The following PPP2R3B variants were observed in gnomAD, a reference collection of about 807,000 sequenced individuals.
The protein encoded by PPP2R3B is protein phosphatase 2 regulatory subunit B''beta.
PPP2R3B carries 68 observed loss-of-function variants against 72.9 expected under a neutral mutation model. The ratio of observed to expected loss-of-function variants is 0.93; its 90% CI spans 0.77 to 1.14. The LOEUF (loss-of-function observed/expected upper bound fraction) is 1.14, where lower values mean the gene tolerates loss of function less well. Ranked by LOEUF, PPP2R3B falls within the 50% of genes most tolerant of loss-of-function variation. The pLI, the probability that PPP2R3B is intolerant of heterozygous loss-of-function variation, is 0.00. For missense variants in PPP2R3B, 1,018 were observed against 842.0 expected (o/e 1.21, Z -2.59); for synonymous variants, 466 against 375.8 (o/e 1.24, Z -2.78).
chrX:336,831 C>T (rs886959747), intron 12 of PPP2R3B: 1 of 152,084 alleles, frequency 6.6e-6, no homozygotes, highest in Non-Finnish European at 1.5e-5. Flanking sequence ...ACACGGAAAG[C>T]TACAAAAATC....
chrX:348,149 A>C (rs2071262088), intron 2 of PPP2R3B, among the ~76,000 whole-genome samples: 1 of 152,162 alleles, frequency 6.6e-6, no homozygotes, highest in Non-Finnish European at 1.5e-5. Flanking sequence ...TGAGGAAGGA[A>C]AGTTTAAAAT....
chrX:344,866 C>G (rs1401485462), intron 7 of PPP2R3B: 1 of 317,000 alleles, frequency 3.2e-6, no homozygotes, highest in African/African-American at 2.2e-5. Context: ...TATTATGAGT[C>G]GACCACACAC....
At chrX:384,946 T>C (rs1032806746) in intron 1 of PPP2R3B, among the ~76,000 whole-genome samples, 1 of 144,444 alleles carries the variant, frequency 6.9e-6, no homozygotes, top group Non-Finnish European at 1.5e-5. Flanking sequence ...GATTGCACCA[T>C]TGCATCTCAG....
chrX:386,529 G>T lies in PPP2R3B; in HGVS notation c.163C>A (p.Pro55Thr). 1.4e-6 allele frequency: 2 copies of T among 1,426,938 alleles called. No individual in the cohort carries two copies. The highest frequency in any genetic ancestry group is 1.4e-5 in the South Asian group (1 of 72,992). 88.4% of individuals were successfully genotyped at this position (1,426,938 alleles called of 1,614,324 possible). A position where few individuals can be genotyped will look rare whatever the true frequency, so the allele number is the denominator to read the frequency against. ...AGCGGGGCTGTGGGCCAGGCCCCGGGCTGCTCCCCGTCCCCCGGGGTCGGC... is the reference window on the plus strand; with the variant it reads ...AGCGGGGCTGTGGGCCAGGCCCCGGTCTGCTCCCCGTCCCCCGGGGTCGGC... ...DQPTPGDGEQ[P>T]GAWPTAPLAA... Residue 55 changes from proline (P) to threonine (T), a missense_variant, in exon 1 of 13, where the codon CCC (proline) becomes ACC (threonine). Pro to Thr is a conservative substitution (Grantham distance 38, BLOSUM62 -1). Coordinates refer to ENST00000390665, the MANE Select transcript of PPP2R3B (RefSeq NM_013239.5).
At chrX:341,214 C>T in intron 9 of PPP2R3B, 93 bp downstream of exon 9, 2 of 1,410,186 alleles carry the variant, frequency 1.4e-6, no homozygotes, top group South Asian at 1.2e-5. Context: ...GCAGCCCCCA[C>T]CAGGCGTGCA....
At chrX:370,294 A>G (rs951821000) in intron 1 of PPP2R3B, among the ~76,000 whole-genome samples, 1 of 152,194 alleles carries the variant, frequency 6.6e-6, no homozygotes, top group East Asian at 1.9e-4. Context: ...CACGTGGGCT[A>G]ACATTCACTC....
At chrX:361,636 A>C in intron 1 of PPP2R3B, 46 bp from the exon 2 acceptor site, 1 of 1,602,140 alleles carries the variant, frequency 6.2e-7, no homozygotes, top group Non-Finnish European at 8.5e-7. Flanking sequence ...GGGAGCATCG[A>C]ACGCCTTCTT....
At chrX:376,770 C>T (rs1301007425) in intron 1 of PPP2R3B, among the ~76,000 whole-genome samples, 2 of 112,008 alleles carry the variant, frequency 1.8e-5, no homozygotes, top group Non-Finnish European at 1.9e-5. Context: ...TGTACAGGGA[C>T]GGGCCGTCCA....
intron 2 of PPP2R3B, among the ~76,000 whole-genome samples, chrX:361,187 A>G (rs1392502589): frequency 6.6e-6 from 1 of 152,276 alleles, no homozygotes; most frequent in East Asian, 1.9e-4. Context: ...CAGATGCTTA[A>G]GAATTCACAC....
At chrX:352,575 G>A (rs2071353702) in intron 2 of PPP2R3B, among the ~76,000 whole-genome samples, 1 of 84,776 alleles carries the variant, frequency 1.2e-5, no homozygotes, top group Non-Finnish European at 2.4e-5. Flanking sequence ...CCTGTGTACT[G>A]CTGAACCCTA....
At chrX:337,998 A>G (rs1014822527) in intron 12 of PPP2R3B, 1 of 157,052 alleles carries the variant, frequency 6.4e-6, no homozygotes, top group East Asian at 1.9e-4. Flanking sequence ...TAGATATGAC[A>G]CCAGAAACAC....
chrX:338,339 T>C, intron 12 of PPP2R3B: 1 of 586,184 alleles, frequency 1.7e-6, no homozygotes, highest in Non-Finnish European at 3.1e-6. Flanking sequence ...CTGGGCCTGA[T>C]GTGCGAAGCC....
Position 353,824 on chromosome X carries a change from C to G in PPP2R3B, c.511-6131G>C, listed in dbSNP as rs1036148404. On this transcript the variant is annotated intron_variant, in intron 2 of 12. Coordinates refer to ENST00000390665, the MANE Select transcript of PPP2R3B (RefSeq NM_013239.5). Reference sequence around the variant, plus strand: ...CTGGGGCTCACCCAAGGAGCAGGGGCTCGCCCAAAGACCGGGGCTCGCCCA... The same window carrying G: ...CTGGGGCTCACCCAAGGAGCAGGGGGTCGCCCAAAGACCGGGGCTCGCCCA... 7.5e-4 allele frequency among the ~76,000 whole-genome samples: 111 copies of G among 148,426 alleles called. 1 individual carries two copies. The highest frequency in any genetic ancestry group is 2.7e-3 in the African/African-American group (107 of 39,904).
In PPP2R3B at chrX:334,334, AGCGGCCCCGCGGCGGCGTTCTCGCGG is replaced by A; in HGVS notation, c.*7_*32del. The A allele has an allele frequency of 6.9e-7, 1 of 1,451,194 alleles. No homozygotes were observed. The highest frequency in any genetic ancestry group is 9.0e-7 in the Non-Finnish European group (1 of 1,107,408). 89.9% of individuals were successfully genotyped at this position (1,451,194 alleles called of 1,614,324 possible). ...GGTGGCCCGGTGGTGGCACGTGGGGAGCGGCCCCGCGGCGGCGTTCTCGCGGGCGGCGTCACAGCGGCTCCAGGTCC... is the reference window on the plus strand; with the variant it reads ...GGTGGCCCGGTGGTGGCACGTGGGGAGCGGCGTCACAGCGGCTCCAGGTCC... On this transcript the variant is annotated 3_prime_UTR_variant, in exon 13 of 13. Transcript: ENST00000390665.
chrX:345,183 G>A, intron 7 of PPP2R3B: 1 of 572,588 alleles, frequency 1.7e-6, no homozygotes, highest in South Asian at 1.5e-5. Flanking sequence ...GGGAAGGCGT[G>A]TGGCCTGCCC....
At chrX:377,509 G>A (rs1254244365) in intron 1 of PPP2R3B, among the ~76,000 whole-genome samples, 5 of 62,736 alleles carry the variant, frequency 8.0e-5, no homozygotes, top group African/African-American at 3.4e-4. Flanking sequence ...GGCCGCCATG[G>A]GGCTGTCTAT....
chrX:344,405 C>T (rs1449632596), intron 7 of PPP2R3B, among the ~76,000 whole-genome samples: 6 of 152,232 alleles, frequency 3.9e-5, no homozygotes, highest in Admixed American at 6.5e-5. Context: ...GCAGCCTGGG[C>T]GGCCATCCCT....
In PPP2R3B at chrX:386,545, C is replaced by A; in HGVS notation, c.147G>T (p.Pro49=). ...AGGCCCCGGGCTGCTCCCCGTCCCC[C>A]GGGGTCGGCTGGTCCCGCCCGGGCG... ...IKAPGRDQPT[P]GDGEQPGAWP... is the part of the protein sequence containing the mutation. Residue 49 remains proline, a synonymous_variant, in exon 1 of 13, where the codon CCG becomes CCT. Coordinates refer to ENST00000390665, the MANE Select transcript of PPP2R3B (RefSeq NM_013239.5). 3 of 1,431,848 alleles carry A rather than the reference C, an allele frequency of 2.1e-6. No homozygotes were observed. Among genetic ancestry groups the A allele is most frequent in the South Asian group, 1.4e-5 (1 of 73,924 alleles). The allele number at this position is 1,431,848 out of a possible 1,614,324, so 88.7% of individuals were successfully genotyped here. A position where few individuals can be genotyped will look rare whatever the true frequency, so the allele number is the denominator to read the frequency against.
intron 2 of PPP2R3B, among the ~76,000 whole-genome samples, chrX:358,372 C>G (rs914758390): frequency 2.5e-5 from 3 of 122,378 alleles, no homozygotes; most frequent in African/African-American, 8.3e-5. Flanking sequence ...CTGCTGGCCT[C>G]TGCCCACAGT....
Sources: gnomAD v4.1 joint callset for allele counts (sites outside exome capture counted in the v4.1 genomes callset) on GRCh38, gnomAD v4.1.1 for gene constraint, MANE v1.5 for transcripts, NCBI Gene and HGNC (gene_info 2026-07-23, HGNC 2026-07-21) for gene names.